Variants in GPHN observed in about 807,000 individuals in gnomAD.
GPHN encodes gephyrin.
Under a neutral mutation model 95.5 loss-of-function variants are expected in GPHN, and 17 were observed. That is an observed-to-expected ratio of 0.18 (90% CI 0.12 to 0.27). The LOEUF (loss-of-function observed/expected upper bound fraction) is 0.27. GPHN is among the 10% of genes least tolerant of loss of function. The pLI, the probability that GPHN is intolerant of heterozygous loss-of-function variation, is 1.00. For synonymous variants in GPHN, 320 were observed against 322.5 expected, an observed-to-expected ratio of 0.99 and a Z score of 0.08; for missense variants, 660 against 978.1, an observed-to-expected ratio of 0.67 and a Z score of 4.34.
At chr14:67,380,540 A>G in the GPHN span, 8 of 452,704 alleles carry the variant, frequency 1.8e-5, no homozygotes, top group Non-Finnish European at 1.9e-5. Flanking sequence ...AGCCTTAACT[A>G]TTATATGCAT....
intron 4 of GPHN, among the ~76,000 whole-genome samples, chr14:66,834,008 C>T (rs1035367329): frequency 3.9e-5 from 6 of 152,138 alleles, no homozygotes; most frequent in African/African-American, 1.4e-4. Context: ...AACATTTCAA[C>T]CATCACTTCT....
chr14:67,305,650 A>AT, the GPHN span, among the ~76,000 whole-genome samples: 131 of 152,288 alleles, frequency 8.6e-4, no homozygotes, highest in Non-Finnish European at 6.9e-4. Context: ...AAGAAAAGCC[A>AT]TTTTTTTCAT....
intron 11 of GPHN, among the ~76,000 whole-genome samples, chr14:67,061,684 CT>C (rs201527983): frequency 1.3e-5 from 2 of 150,862 alleles, no homozygotes; most frequent in South Asian, 2.1e-4. Flanking sequence ...TTTATATATC[CT>C]TTTTTTTTAA....
At chr14:67,314,136 A>G in the GPHN span, among the ~76,000 whole-genome samples, 5 of 152,170 alleles carry the variant, frequency 3.3e-5, no homozygotes, top group Non-Finnish European at 5.9e-5. Context: ...AGATTTGGCT[A>G]TAGACTTAGC....
intron 1 of GPHN, among the ~76,000 whole-genome samples, chr14:66,563,339 A>G (rs1008366615): frequency 3.3e-5 from 5 of 152,280 alleles, no homozygotes; most frequent in East Asian, 1.9e-4. Flanking sequence ...TGGGTTTACT[A>G]TATATGTACC....
chr14:67,409,774 C>T, the GPHN span, among the ~76,000 whole-genome samples: 1 of 152,222 alleles, frequency 6.6e-6, no homozygotes, highest in Non-Finnish European at 1.5e-5. Context: ...CCCTGCCCCA[C>T]CTCTGAGCTC....
the GPHN span, among the ~76,000 whole-genome samples, chr14:67,658,453 C>T: frequency 3.3e-5 from 5 of 152,002 alleles, no homozygotes; most frequent in South Asian, 8.3e-4. Flanking sequence ...AAAAATTAGC[C>T]GGGCGTGGTG....
the GPHN span, among the ~76,000 whole-genome samples, chr14:67,329,305 T>C: frequency 6.6e-6 from 1 of 152,350 alleles, no homozygotes; most frequent in Middle Eastern, 3.4e-3. Flanking sequence ...TAGGAATGCT[T>C]GTGATTTCTG....
the GPHN span, among the ~76,000 whole-genome samples, chr14:67,231,848 A>T: frequency 1.3e-5 from 2 of 151,992 alleles, no homozygotes; most frequent in South Asian, 4.2e-4. Flanking sequence ...GGGTGCCTGT[A>T]ATCCTAGCTA....
the GPHN span, chr14:67,203,380 T>C: frequency 2.9e-5 from 33 of 1,121,484 alleles, no homozygotes; most frequent in Admixed American, 8.4e-4. Flanking sequence ...TGATGACAAT[T>C]GCGCCAGTGG....
Position 66,807,176 on chromosome 14 carries a change from A to G in GPHN, c.202-17298A>G, listed in dbSNP as rs111226956. 3.1e-3 allele frequency among the ~76,000 whole-genome samples: 469 copies of G among 152,270 alleles called. 11 individuals are homozygous for G. The highest frequency in any genetic ancestry group is 0.011 in the African/African-American group (444 of 41,546). Reference sequence around the variant, plus strand: ...TTTGTGCAGGGAAGATTCCCTTTTTACATCAGATCTCGTGAGACTTATTCA... The same window carrying G: ...TTTGTGCAGGGAAGATTCCCTTTTTGCATCAGATCTCGTGAGACTTATTCA... On this transcript the variant is annotated intron_variant, in intron 3 of 22. Transcript: ENST00000478722.
At chr14:66,585,697 T>G (rs948634594) in intron 1 of GPHN, among the ~76,000 whole-genome samples, 2 of 152,148 alleles carry the variant, frequency 1.3e-5, no homozygotes, top group African/African-American at 4.8e-5. Context: ...AGTTGAGCAG[T>G]TTTGAGTGAG....
the GPHN span, chr14:67,646,807 T>C: frequency 6.8e-7 from 1 of 1,460,528 alleles, no homozygotes; most frequent in East Asian, 2.3e-5. Flanking sequence ...GAAAGGCTGA[T>C]GCTTAACTTG....
intron 10 of GPHN, among the ~76,000 whole-genome samples, chr14:67,037,979 C>T (rs2074511790): frequency 6.6e-6 from 1 of 151,890 alleles, no homozygotes; most frequent in South Asian, 2.1e-4. Context: ...TTGAAAATAG[C>T]ATCTCAAAAA....
intron 9 of GPHN, among the ~76,000 whole-genome samples, chr14:67,002,483 C>T (rs1300689833): frequency 6.6e-6 from 1 of 150,948 alleles, no homozygotes; most frequent in African/African-American, 2.4e-5. Context: ...TAAAAATGTT[C>T]CTGCTTGGCA....
chr14:67,504,923 T>C, the GPHN span, among the ~76,000 whole-genome samples: 1 of 151,458 alleles, frequency 6.6e-6, no homozygotes, highest in Non-Finnish European at 1.5e-5. Flanking sequence ...AAAAACACAA[T>C]AGAACACTTT....
Position 66,736,387 on chromosome 14 carries a change from CTTTCTTTTTTT to C in GPHN, c.144-40062_144-40052del, listed in dbSNP as rs1392856508. Among the ~76,000 whole-genome samples, 37 of 143,178 alleles carry C rather than the reference CTTTCTTTTTTT, an allele frequency of 2.6e-4. 2 individuals are homozygous for C. The South Asian group carries it at 2.7e-3, about 10-fold the overall frequency. The allele number at this position is 143,178 out of a possible 152,430, so 93.9% of individuals were successfully genotyped here. ...TTGAATTTTTTATTTTAACTGTTTT[CTTTCTTTTTTT>C]TTTCTTTTTTTTTTTTTGAGATGGA... is the stretch of plus-strand genomic sequence containing the variant. On this transcript the variant is annotated intron_variant, in intron 2 of 22. Coordinates refer to ENST00000478722, the MANE Select transcript of GPHN (RefSeq NM_020806.5).
the GPHN span, among the ~76,000 whole-genome samples, chr14:67,278,743 C>A: frequency 6.6e-6 from 1 of 152,156 alleles, no homozygotes; most frequent in Non-Finnish European, 1.5e-5. Context: ...TTTTACTTTC[C>A]TACTTTGCTA....
intron 9 of GPHN, among the ~76,000 whole-genome samples, chr14:66,979,860 C>G (rs1004693079): frequency 1.3e-5 from 2 of 152,088 alleles, no homozygotes; most frequent in Non-Finnish European, 2.9e-5. Context: ...TACTTGAACT[C>G]TTAGAGGCCA....
Sources: gnomAD v4.1 joint callset for allele counts (sites outside exome capture counted in the v4.1 genomes callset) on GRCh38, gnomAD v4.1.1 for gene constraint, MANE v1.5 for transcripts, NCBI Gene and HGNC (gene_info 2026-07-23, HGNC 2026-07-21) for gene names.